PKP1: variants seen among roughly 807,000 people sequenced by gnomAD.
PKP1 encodes plakophilin-1.
A neutral mutation model predicts 76.4 loss-of-function variants in PKP1; 27 were observed. The observed-to-expected ratio is 0.35, with a 90% CI of 0.26 to 0.49. PKP1 has a LOEUF of 0.49. Among genes scored for constraint, PKP1 ranks in the 20% least tolerant of loss-of-function variants. The pLI is 0.99. For missense variants in PKP1, 964 were observed against 955.2 expected (o/e 1.01, Z -0.12); for synonymous variants, 404 against 384.2 (o/e 1.05, Z -0.60).
intron 7 of PKP1, 111 bp from the exon 8 acceptor site, chr1:201,321,867 T>C (rs1258232646): frequency 7.9e-6 from 10 of 1,268,092 alleles, no homozygotes; most frequent in African/African-American, 2.9e-5. Flanking sequence ...CGCTCATCTT[T>C]CCCGATGCAG....
chr1:201,288,489 C>T (rs530283525), intron 1 of PKP1, among the ~76,000 whole-genome samples: 8 of 152,276 alleles, frequency 5.3e-5, no homozygotes, highest in East Asian at 1.9e-4. Flanking sequence ...AAAGATGGCA[C>T]GGGCATCAGG....
chr1:201,317,888 C>T (rs992352808), intron 5 of PKP1, 109 bp downstream of exon 5: 4 of 1,096,302 alleles, frequency 3.6e-6, no homozygotes, highest in Non-Finnish European at 5.4e-6. Flanking sequence ...CAAGACACAG[C>T]TGTGCAGATT....
chr1:201,320,470 C>G (rs1171840946), intron 7 of PKP1, 89 bp downstream of exon 7: 8 of 806,900 alleles, frequency 9.9e-6, no homozygotes. Flanking sequence ...AGTGACAAGA[C>G]AGGAGCACAG....
At chr1:201,323,429 C>T (rs1440268578) in intron 9 of PKP1, among the ~76,000 whole-genome samples, 1 of 147,846 alleles carries the variant, frequency 6.8e-6, no homozygotes, top group African/African-American at 2.5e-5. Flanking sequence ...CATGCACACA[C>T]AATCCCCTTG....
intron 4 of PKP1, 78 bp from the exon 5 acceptor site, chr1:201,317,494 A>G: frequency 7.7e-7 from 1 of 1,300,974 alleles, no homozygotes; most frequent in African/African-American, 1.5e-5. Context: ...CTGAAAAAAA[A>G]AATCACCTTT....
intron 1 of PKP1, among the ~76,000 whole-genome samples, chr1:201,285,941 C>G (rs1571535781): frequency 6.6e-6 from 1 of 152,354 alleles, no homozygotes; most frequent in East Asian, 1.9e-4. Context: ...GGCGTGTCCC[C>G]TCTACCCTCA....
At chr1:201,324,902 G>A (rs1452869661) in intron 10 of PKP1, 39 bp from the exon 11 acceptor site, 5 of 1,592,836 alleles carry the variant, frequency 3.1e-6, no homozygotes, top group African/African-American at 2.7e-5. Context: ...TCCTTCCCCA[G>A]TCATCCTGAC....
At chr1:201,287,605 T>C (rs1410392926) in intron 1 of PKP1, among the ~76,000 whole-genome samples, 2 of 152,246 alleles carry the variant, frequency 1.3e-5, no homozygotes, top group Non-Finnish European at 2.9e-5. Context: ...CTTTACAATG[T>C]ACCTTGGCTT....
chr1:201,304,174 G>T (rs924484277), intron 2 of PKP1, among the ~76,000 whole-genome samples: 3 of 152,194 alleles, frequency 2.0e-5, no homozygotes, highest in Admixed American at 2.0e-4. Flanking sequence ...TGGGATCTGA[G>T]TTGGGGTGCT....
intron 1 of PKP1, among the ~76,000 whole-genome samples, chr1:201,285,220 CCACACACACACACACACACA>C (rs140683611): frequency 2.0e-4 from 28 of 136,842 alleles, no homozygotes; most frequent in Admixed American, 5.1e-4. Context: ...GGCCCTTCCA[CCACACACACACACACACACA>C]CACACACACA....
chr1:201,326,555 G>A (rs1283670329), intron 12 of PKP1, among the ~76,000 whole-genome samples: 1 of 152,260 alleles, frequency 6.6e-6, no homozygotes, highest in African/African-American at 2.4e-5. Context: ...TTAGGCTGGA[G>A]CTTTTAGCTT....
intron 2 of PKP1, among the ~76,000 whole-genome samples, chr1:201,294,390 T>C (rs1463124495): frequency 1.3e-5 from 2 of 152,238 alleles, no homozygotes; most frequent in Admixed American, 6.5e-5. Context: ...AGTTTAGATG[T>C]TTCTAGGAAA....
chr1:201,311,281 T>C (rs1656543938), intron 2 of PKP1, among the ~76,000 whole-genome samples: 1 of 152,218 alleles, frequency 6.6e-6, no homozygotes, highest in African/African-American at 2.4e-5. Flanking sequence ...CATACCCAGA[T>C]GCTCAGAAAA....
At chr1:201,287,822 C>T (rs945599629) in intron 1 of PKP1, among the ~76,000 whole-genome samples, 14 of 152,176 alleles carry the variant, frequency 9.2e-5, no homozygotes, top group African/African-American at 2.9e-4. Context: ...ATCTGGGAAG[C>T]GCTTCTGCGA....
intron 12 of PKP1, among the ~76,000 whole-genome samples, chr1:201,327,378 G>A (rs150228879): frequency 2.1e-3 from 327 of 152,274 alleles, no homozygotes; most frequent in African/African-American, 7.6e-3. Flanking sequence ...ATGAACGCAC[G>A]GTGTCCAAAG....
chr1:201,321,025 C>T (rs776123357), intron 7 of PKP1, among the ~76,000 whole-genome samples: 22 of 152,206 alleles, frequency 1.4e-4, no homozygotes, highest in Non-Finnish European at 8.8e-5. Flanking sequence ...TGAGATGTTC[C>T]CACCATGGCA....
chr1:201,318,627 G>A lies in PKP1; in HGVS notation c.1064G>A (p.Trp355Ter). The change falls in exon 6 of 14, where the codon TGG becomes TAG. Residue 355 changes from tryptophan (W) to a stop codon, truncating the protein, a stop_gained. Transcript: ENST00000367324. LOFTEE classifies it high-confidence loss of function. ...GGTCTCTGACCCCCAGGGCTGCTCT[G>A]GAACCTGTCTTCCACTGACGAGCTG... ...EIQKQLTGLL[W>*]NLSSTDELKE... The A allele has an allele frequency of 6.2e-7, 1 of 1,612,126 alleles. No individual in the cohort carries two copies. Among genetic ancestry groups the A allele is most frequent in the African/African-American group, 1.3e-5 (1 of 74,960 alleles).
chr1:201,313,653 G>A, intron 3 of PKP1, 93 bp downstream of exon 3: 2 of 1,290,182 alleles, frequency 1.6e-6, no homozygotes, highest in East Asian at 2.3e-5. Flanking sequence ...CTCCTGGGAT[G>A]ACAGGAGAGA....
At chr1:201,320,119 CA>C (rs1482615079) in intron 6 of PKP1, 147 bp from the exon 7 acceptor site, 4 of 702,118 alleles carry the variant, frequency 5.7e-6, no homozygotes, top group Non-Finnish European at 1.0e-5. Flanking sequence ...CCACAACTTC[CA>C]ATCTCCACCC....
Sources: gnomAD v4.1 joint callset for allele counts (sites outside exome capture counted in the v4.1 genomes callset) on GRCh38, gnomAD v4.1.1 for gene constraint, MANE v1.5 for transcripts, NCBI Gene and HGNC (gene_info 2026-07-23, HGNC 2026-07-21) for gene names.